Variants in ERC1 observed in about 807,000 individuals in gnomAD.
ERC1 encodes the protein ELKS/RAB6-interacting/CAST family member 1, also known as RAB6 interacting protein 2.
Under a neutral mutation model 132.0 loss-of-function variants are expected in ERC1, and 56 were observed. That is an observed-to-expected ratio of 0.42 (90% CI 0.34 to 0.53). ERC1 has a LOEUF of 0.53. Among genes scored for constraint, ERC1 ranks in the 20% least tolerant of loss-of-function variants. ERC1 has a pLI of 0.03. For missense variants in ERC1, 1,202 were observed against 1,349.9 expected (o/e 0.89, Z 1.72); for synonymous variants, 478 against 476.1 (o/e 1.00, Z -0.05).
At chr12:1,144,740 G>A (rs1950195777) in intron 8 of ERC1, among the ~76,000 whole-genome samples, 1 of 151,614 alleles carries the variant, frequency 6.6e-6, no homozygotes, top group African/African-American at 2.4e-5. Flanking sequence ...AATTGCGAAT[G>A]TGCTATTATA....
At chr12:1,190,429 T>TC (rs1217058142) in intron 12 of ERC1, among the ~76,000 whole-genome samples, 1 of 152,222 alleles carries the variant, frequency 6.6e-6, no homozygotes, top group Non-Finnish European at 1.5e-5. Flanking sequence ...TATCACTAGT[T>TC]TAGACCTTTG....
intron 8 of ERC1, among the ~76,000 whole-genome samples, chr12:1,176,970 T>C (rs1953797565): frequency 6.6e-6 from 1 of 152,248 alleles, no homozygotes; most frequent in South Asian, 2.1e-4. Context: ...GATAACATGC[T>C]GCAGCTTCTC....
intron 18 of ERC1, among the ~76,000 whole-genome samples, chr12:1,450,410 G>A (rs770779987): frequency 2.6e-5 from 4 of 152,156 alleles, no homozygotes; most frequent in African/African-American, 9.7e-5. Context: ...AGTATTTGTC[G>A]TTTTGTGACT....
intron 2 of ERC1, among the ~76,000 whole-genome samples, chr12:1,070,060 A>G (rs967545999): frequency 6.6e-6 from 1 of 152,188 alleles, no homozygotes; most frequent in Non-Finnish European, 1.5e-5. Flanking sequence ...AGTGAGAGAG[A>G]GAGAGAGAGC....
chr12:1,010,496 A>C (rs1964502249), intron 1 of ERC1, among the ~76,000 whole-genome samples: 2 of 136,406 alleles, frequency 1.5e-5, no homozygotes, highest in Admixed American at 1.5e-4. Flanking sequence ...AAAAAAAAAG[A>C]GAAAGGAAAT....
chr12:1,179,500 CTTTTTTTTTTTT>C (rs58317880), intron 8 of ERC1, among the ~76,000 whole-genome samples: 7 of 95,758 alleles, frequency 7.3e-5, no homozygotes, highest in Non-Finnish European at 1.2e-4. Flanking sequence ...ATTCATTTTT[CTTTTTTTTTTTT>C]TTTTTTTTTT....
At chr12:1,097,993 G>A (rs1443749857) in intron 3 of ERC1, among the ~76,000 whole-genome samples, 1 of 152,198 alleles carries the variant, frequency 6.6e-6, no homozygotes, top group Non-Finnish European at 1.5e-5. Flanking sequence ...GGGATTACAG[G>A]CGTGAGCCAT....
At chr12:1,428,143 TC>T (rs1164407116) in intron 17 of ERC1, among the ~76,000 whole-genome samples, 3 of 152,204 alleles carry the variant, frequency 2.0e-5, no homozygotes, top group Non-Finnish European at 1.5e-5. Flanking sequence ...AGAGCTATCT[TC>T]CCCTATTTGT....
At chr12:1,347,851 C>T (rs144357215) in intron 15 of ERC1, among the ~76,000 whole-genome samples, 3 of 152,034 alleles carry the variant, frequency 2.0e-5, no homozygotes, top group Non-Finnish European at 2.9e-5. Context: ...GGGGTGGTGG[C>T]GCATGCCTAT....
intron 15 of ERC1, among the ~76,000 whole-genome samples, chr12:1,296,689 C>T (rs1016626432): frequency 2.6e-5 from 4 of 152,000 alleles, no homozygotes; most frequent in South Asian, 2.1e-4. Flanking sequence ...CGTCAGCCAC[C>T]GTGCCCAGCC....
At chr12:1,349,027 G>A in intron 15 of ERC1, among the ~76,000 whole-genome samples, 1 of 152,116 alleles carries the variant, frequency 6.6e-6, no homozygotes, top group East Asian at 1.9e-4. Flanking sequence ...ATTTTCTCCT[G>A]TCCCGTGTTC....
chr12:1,008,007 T>G (rs1219438624), intron 1 of ERC1, among the ~76,000 whole-genome samples: 1 of 152,200 alleles, frequency 6.6e-6, no homozygotes, highest in African/African-American at 2.4e-5. Flanking sequence ...CTACTTTCTT[T>G]TCCCCGCCAG....
chr12:1,248,155 A>T (rs750953515), intron 13 of ERC1, among the ~76,000 whole-genome samples: 60 of 152,252 alleles, frequency 3.9e-4, no homozygotes, highest in Non-Finnish European at 6.3e-4. Flanking sequence ...TCAAGTATAG[A>T]AGGTTTAATT....
At chr12:1,182,838 A>T (rs908309035) in intron 10 of ERC1, among the ~76,000 whole-genome samples, 57 of 151,248 alleles carry the variant, frequency 3.8e-4, no homozygotes, top group Non-Finnish European at 7.5e-4. Context: ...AGTTAAAAAA[A>T]TTTTTTTTTG....
At chr12:1,095,285 C>T (rs543797641) in intron 3 of ERC1, among the ~76,000 whole-genome samples, 2 of 151,542 alleles carry the variant, frequency 1.3e-5, no homozygotes, top group African/African-American at 4.8e-5. Context: ...CAAATATTAG[C>T]CAGGCATGGT....
rs555788794 is a variant in ERC1, at chr12:1,125,000, CT to C, written c.1569+8978del. Among the ~76,000 whole-genome samples the C allele has an allele frequency of 7.3e-3, 1,059 of 145,630 alleles. 15 individuals are homozygous for C. Among genetic ancestry groups the C allele is most frequent in the African/African-American group, 0.023 (909 of 40,088 alleles). Reference sequence around the variant, plus strand: ...GGAGAAAATATTTGATATTTTCTTTCTTTTTTTTTTTGGAGACAGATTCTTG... The same window carrying C: ...GGAGAAAATATTTGATATTTTCTTTCTTTTTTTTTTGGAGACAGATTCTTG... On this transcript the variant is annotated intron_variant, in intron 7 of 18. Transcript: ENST00000360905.
At chr12:1,099,775 T>C (rs1024381097) in intron 3 of ERC1, among the ~76,000 whole-genome samples, 1 of 151,036 alleles carries the variant, frequency 6.6e-6, no homozygotes, top group African/African-American at 2.4e-5. Context: ...TGGGGATGTA[T>C]ATTAGAGTCA....
intron 3 of ERC1, among the ~76,000 whole-genome samples, chr12:1,096,650 T>C (rs530528326): frequency 2.0e-5 from 3 of 152,342 alleles, no homozygotes; most frequent in Admixed American, 1.3e-4. Flanking sequence ...AACTAATTAA[T>C]GTGTTAGGTG....
At chr12:1,046,852 A>T (rs1328300092) in intron 2 of ERC1, among the ~76,000 whole-genome samples, 1 of 152,228 alleles carries the variant, frequency 6.6e-6, no homozygotes, top group Non-Finnish European at 1.5e-5. Context: ...ACTCCACGGT[A>T]CATGCTTCAT....
Sources: allele counts gnomAD v4.1 joint callset (sites outside exome capture counted in the v4.1 genomes callset), GRCh38; gene constraint gnomAD v4.1.1; transcripts MANE v1.5; gene names NCBI Gene and HGNC (gene_info 2026-07-23, HGNC 2026-07-21).